The following TGFBR3 variants were observed in gnomAD, a reference collection of about 807,000 sequenced individuals.
TGFBR3 encodes transforming growth factor beta receptor 3, also known as transforming growth factor beta receptor type 3.
A neutral mutation model predicts 87.9 loss-of-function variants in TGFBR3; 46 were observed. The ratio of observed to expected loss-of-function variants is 0.52; its 90% CI spans 0.41 to 0.67. The LOEUF is 0.67. Ranked by LOEUF, TGFBR3 falls within the 30% of genes least tolerant of loss-of-function variation. The probability of loss-of-function intolerance (pLI) is 0.00; values close to 1 mark genes in which losing one functional copy is unlikely to be tolerated. For synonymous variants in TGFBR3, 381 were observed against 391.6 expected (o/e 0.97, Z 0.32); for missense variants, 866 against 1,041.9 (o/e 0.83, Z 2.32).
chr1:91,856,513 C>A lies in TGFBR3; in HGVS notation c.61+4958G>T, dbSNP rs575997980. On this transcript the variant is annotated intron_variant, in intron 2 of 16. Transcript: ENST00000212355. ...TGAAGGCCCAGACAAACCTATGGAG[C>A]TGGAACAAGCAGGCTCCTATTATTC... Among the ~76,000 whole-genome samples the A allele has an allele frequency of 2.6e-5, 4 of 152,192 alleles. No homozygotes were observed. In the South Asian group the frequency reaches 8.3e-4, roughly 32 times the overall value.
intron 3 of TGFBR3, among the ~76,000 whole-genome samples, chr1:91,789,590 T>C (rs946247710): frequency 2.6e-5 from 4 of 152,232 alleles, no homozygotes; most frequent in Non-Finnish European, 5.9e-5. Flanking sequence ...CCTTGTGTCC[T>C]GGTTTGTTTC....
intron 14 of TGFBR3, among the ~76,000 whole-genome samples, chr1:91,699,160 C>T (rs1671534171): frequency 6.6e-6 from 1 of 152,174 alleles, no homozygotes; most frequent in African/African-American, 2.4e-5. Flanking sequence ...AGTCCTTCAC[C>T]CATGGTGGGC....
At chr1:91,748,217 A>G (rs1673414057) in intron 4 of TGFBR3, among the ~76,000 whole-genome samples, 1 of 152,228 alleles carries the variant, frequency 6.6e-6, no homozygotes, top group African/African-American at 2.4e-5. Context: ...GAGCCCTCTT[A>G]AGCAGGCCAC....
At chr1:91,843,269 G>A (rs1186971703) in intron 2 of TGFBR3, among the ~76,000 whole-genome samples, 4 of 152,246 alleles carry the variant, frequency 2.6e-5, no homozygotes, top group African/African-American at 9.6e-5. Flanking sequence ...TGAGGACAGC[G>A]CTCTCATGAA....
At chr1:91,870,219 C>G (rs548420148) in intron 1 of TGFBR3, among the ~76,000 whole-genome samples, 1 of 152,138 alleles carries the variant, frequency 6.6e-6, no homozygotes, top group African/African-American at 2.4e-5. Flanking sequence ...CCTCAAAGTC[C>G]AAGAACTCTA....
intron 2 of TGFBR3, among the ~76,000 whole-genome samples, chr1:91,845,668 A>C (rs1677441059): frequency 6.6e-6 from 1 of 152,210 alleles, no homozygotes; most frequent in Admixed American, 6.5e-5. Flanking sequence ...CCTTTCCTGC[A>C]TGTAGTATAC....
intron 3 of TGFBR3, among the ~76,000 whole-genome samples, 195 bp downstream of exon 3, chr1:91,797,092 A>G (rs1264322312): frequency 1.3e-5 from 2 of 152,174 alleles, no homozygotes; most frequent in Non-Finnish European, 2.9e-5. Context: ...AAATGGGGAG[A>G]GCCAACCAAT....
intron 3 of TGFBR3, among the ~76,000 whole-genome samples, chr1:91,783,572 G>A (rs550146270): frequency 5.3e-5 from 8 of 152,144 alleles, no homozygotes; most frequent in Non-Finnish European, 7.4e-5. Flanking sequence ...TGGACACCAC[G>A]CTCTAAATAA....
chr1:91,724,132 C>T (rs1376486783), intron 7 of TGFBR3, among the ~76,000 whole-genome samples: 1 of 152,110 alleles, frequency 6.6e-6, no homozygotes, highest in Non-Finnish European at 1.5e-5. Context: ...CCAACTTCTG[C>T]GGCCATTTGT....
chr1:91,807,398 T>C (rs571125773), intron 2 of TGFBR3, among the ~76,000 whole-genome samples: 13 of 152,348 alleles, frequency 8.5e-5, no homozygotes, highest in African/African-American at 3.1e-4. Flanking sequence ...CATCCAAACC[T>C]TCCTCCTAAC....
At chr1:91,833,074 A>G (rs1220009175) in intron 2 of TGFBR3, among the ~76,000 whole-genome samples, 4 of 151,232 alleles carry the variant, frequency 2.6e-5, no homozygotes, top group Non-Finnish European at 5.9e-5. Flanking sequence ...AGGCAGGTGG[A>G]TCACAGGGTC....
At chr1:91,851,229 G>A (rs1376313011) in intron 2 of TGFBR3, among the ~76,000 whole-genome samples, 1 of 152,152 alleles carries the variant, frequency 6.6e-6, no homozygotes, top group Non-Finnish European at 1.5e-5. Context: ...CTCCTTGGAA[G>A]GAACGTTCCA....
At chr1:91,834,498 T>C (rs1192256977) in intron 2 of TGFBR3, among the ~76,000 whole-genome samples, 1 of 152,146 alleles carries the variant, frequency 6.6e-6, no homozygotes, top group Non-Finnish European at 1.5e-5. Flanking sequence ...GAGTTCAGAG[T>C]TGATCTTTAA....
chr1:91,706,533 T>C (rs1331496139), intron 14 of TGFBR3, among the ~76,000 whole-genome samples: 1 of 152,220 alleles, frequency 6.6e-6, no homozygotes, highest in Admixed American at 6.5e-5. Context: ...GGAGGAACCC[T>C]AGTTCCGGGA....
At chr1:91,760,045 C>T (rs1673903435) in intron 3 of TGFBR3, among the ~76,000 whole-genome samples, 1 of 152,208 alleles carries the variant, frequency 6.6e-6, no homozygotes, top group South Asian at 2.1e-4. Context: ...CTTTCATTAT[C>T]TTTCAAAACC....
intron 4 of TGFBR3, among the ~76,000 whole-genome samples, chr1:91,747,925 G>A (rs1310656277): frequency 6.6e-6 from 1 of 152,200 alleles, no homozygotes; most frequent in African/African-American, 2.4e-5. Flanking sequence ...AATGGCATAA[G>A]CCAATTCTTT....
At chr1:91,802,416 A>G (rs1380665126) in intron 2 of TGFBR3, among the ~76,000 whole-genome samples, 1 of 150,822 alleles carries the variant, frequency 6.6e-6, no homozygotes, top group Non-Finnish European at 1.5e-5. Context: ...GCGAGAGGGC[A>G]GTGACGCGCT....
chr1:91,893,395 G>C (rs1679487612), intron 2 of TGFBR3, among the ~76,000 whole-genome samples: 1 of 151,730 alleles, frequency 6.6e-6, no homozygotes, highest in Non-Finnish European at 1.5e-5. Flanking sequence ...AGCAATTCTT[G>C]TGCCTCAGCT....
chr1:91,687,774 GGTTA>G (rs1303289580), intron 16 of TGFBR3, among the ~76,000 whole-genome samples: 1 of 152,140 alleles, frequency 6.6e-6, no homozygotes, highest in Non-Finnish European at 1.5e-5. Context: ...TATGAGGATT[GGTTA>G]GTTATAGAGG....
Sources: gnomAD v4.1 joint callset for allele counts (sites outside exome capture counted in the v4.1 genomes callset) on GRCh38, gnomAD v4.1.1 for gene constraint, MANE v1.5 for transcripts, NCBI Gene and HGNC (gene_info 2026-07-23, HGNC 2026-07-21) for gene names.